SLC12A5: variants seen among roughly 807,000 people sequenced by gnomAD.
The protein encoded by SLC12A5 is K-Cl cotransporter 2.
SLC12A5 carries 18 observed loss-of-function variants against 124.0 expected under a neutral mutation model. The ratio of observed to expected loss-of-function variants is 0.15; its 90% CI spans 0.10 to 0.22. The LOEUF (loss-of-function observed/expected upper bound fraction) is 0.22. SLC12A5 is among the 10% of genes least tolerant of loss of function. The pLI, the probability that SLC12A5 is intolerant of heterozygous loss-of-function variation, is 1.00. For synonymous variants in SLC12A5, 589 were observed against 568.0 expected (o/e 1.04, Z -0.53); for missense variants, 867 against 1,478.7 (o/e 0.59, Z 6.78).
At position 46,057,425 on chromosome 20, in the gene SLC12A5, G is replaced by A. The variant is rs1480093147; in HGVS notation, c.3260-89G>A. The A allele has an allele frequency of 1.9e-6, 3 of 1,599,414 alleles. No individual in the cohort carries two copies. Among genetic ancestry groups the A allele is most frequent in the African/African-American group, 2.7e-5 (2 of 74,692 alleles). ...GGATCAGCACCTCGGACAGGGACAC[G>A]GGCGCGAGAGGTCCCCTGGCAGCCG... On this transcript the variant is annotated intron_variant, in intron 25 of 25. Coordinates refer to ENST00000243964, the MANE Select transcript of SLC12A5 (RefSeq NM_020708.5). This position sits in a 1 kb window ranked among gnomAD's most constrained non-coding sequence, Gnocchi z 7.1.
rs765343735 is a variant in SLC12A5, at chr20:46,040,460, G to A, written c.700G>A (p.Gly234Ser). The A allele has an allele frequency of 3.1e-6, 5 of 1,614,228 alleles. No individual in the cohort carries two copies. The highest frequency in any genetic ancestry group is 1.7e-5 in the Admixed American group (1 of 60,028). Residue 234 changes from glycine (G) to serine (S), a missense_variant, in exon 7 of 26, where the codon GGC becomes AGC. Physicochemically the swap from Gly to Ser is moderately conservative, Grantham distance 56. This residue lies in a region of SLC12A5 where 126 missense variants were observed against 291.6 expected (regional missense o/e 0.43). Transcript: ENST00000243964. ...AAMLNNMRVY[G>S]TCVLTCMATV... ...CATGCTGAACAACATGCGTGTTTAC[G>A]GCACCTGTGTGCTCACCTGCATGGC...
rs2084715629 is a variant in SLC12A5, at chr20:46,058,283, G to T, written c.*678G>T. ...CCTTGACGTCCAAGAGTTTGAGAGC[G>T]AAAGTGCTTTAGGCCCAGGCGGGGG... On this transcript the variant is annotated 3_prime_UTR_variant, in exon 26 of 26. Transcript: ENST00000243964. The surrounding 1 kb of genome is among the most constrained non-coding windows in gnomAD (Gnocchi z 5.8). The T allele has an allele frequency of 2.5e-6, 1 of 395,896 alleles. No homozygotes were observed. Among genetic ancestry groups the T allele is most frequent in the Non-Finnish European group, 4.5e-6 (1 of 224,562 alleles). 24.5% of individuals were successfully genotyped at this position (395,896 alleles called of 1,614,324 possible). A position where few individuals can be genotyped will look rare whatever the true frequency, so the allele number is the denominator to read the frequency against.
chr20:46,043,577 T>C, intron 9 of SLC12A5, 56 bp from the exon 10 acceptor site: 2 of 1,573,106 alleles, frequency 1.3e-6, no homozygotes, highest in African/African-American at 1.3e-5. Flanking sequence ...TTTTTTCTCA[T>C]CTGTCTGGTC....
intron 1 of SLC12A5, among the ~76,000 whole-genome samples, chr20:46,033,485 A>T (rs191955711): frequency 6.6e-6 from 1 of 152,228 alleles, no homozygotes; most frequent in East Asian, 1.9e-4. Context: ...GAGTGATCTC[A>T]TCTAGGCACA....
chr20:46,041,151 TG>T, intron 7 of SLC12A5, 177 bp from the exon 8 acceptor site: 1 of 531,604 alleles, frequency 1.9e-6, no homozygotes, highest in Non-Finnish European at 3.3e-6. Context: ...TAGAATCACT[TG>T]GGGAGCTTAA....
chr20:46,057,545 C>G lies in SLC12A5; in HGVS notation c.3291C>G (p.His1097Gln). Residue 1097 changes from histidine (H) to glutamine (Q), a missense_variant, in exon 26 of 26, where the codon CAC becomes CAG. By Grantham distance (24) the His-to-Gln change is conservative. Transcript: ENST00000243964. This position sits in a 1 kb window ranked among gnomAD's most constrained non-coding sequence, Gnocchi z 7.1. ...YMEFLEVLTE[H>Q]LDRVMLVRGG... is the part of the protein sequence containing the mutation. ...AGTTTCTCGAGGTCCTCACAGAGCA[C>G]CTGGACCGGGTGATGCTGGTCCGCG... The G allele has an allele frequency of 1.2e-6, 2 of 1,614,170 alleles. No homozygotes were observed. The highest frequency in any genetic ancestry group is 1.7e-6 in the Non-Finnish European group (2 of 1,180,034).
In SLC12A5 at chr20:46,059,817, T is replaced by G; in HGVS notation, c.*2212T>G. 2.5e-6 allele frequency: 1 copy of G among 395,578 alleles called. No homozygotes were observed. Among genetic ancestry groups the G allele is most frequent in the East Asian group, 3.6e-5 (1 of 27,854 alleles). 24.5% of individuals were successfully genotyped at this position (395,578 alleles called of 1,614,324 possible). ...TCAATAGCCTTGTAGTGATAACTAG[T>G]GTTGCTTTTGTTTTAGATGATCTAT... On this transcript the variant is annotated 3_prime_UTR_variant, in exon 26 of 26. Coordinates refer to ENST00000243964, the MANE Select transcript of SLC12A5 (RefSeq NM_020708.5).
intron 1 of SLC12A5, among the ~76,000 whole-genome samples, chr20:46,032,292 C>T (rs973297127): frequency 3.6e-4 from 55 of 152,354 alleles, no homozygotes; most frequent in African/African-American, 1.3e-3. Flanking sequence ...GCCACCCGCC[C>T]CCGCGAAGGA....
intron 16 of SLC12A5, among the ~76,000 whole-genome samples, chr20:46,048,877 A>AG (rs1295210682): frequency 1.3e-5 from 2 of 149,872 alleles, no homozygotes; most frequent in Non-Finnish European, 1.5e-5. Flanking sequence ...CAAAAAAAAA[A>AG]AGGGGGAAAT....
chr20:46,022,943 GGGAGGAGGA>G (rs34923327), exon 2 of SLC12A5: 264 of 365,690 alleles, frequency 7.2e-4, no homozygotes, highest in African/African-American at 5.6e-3. Flanking sequence ...CCCCAGCGAG[GGGAGGAGGA>G]GGAGGAGGAG....
At chr20:46,022,684 G>C (rs982542403) in intron 1 of SLC12A5, 6 of 397,516 alleles carry the variant, frequency 1.5e-5, no homozygotes, top group Admixed American at 4.4e-5. Context: ...GCTCCGTAAG[G>C]GTTGGGAGGA....
Position 46,057,785 on chromosome 20 carries a change from GCC to G in SLC12A5, c.*181_*182del. 1.8e-6 allele frequency: 1 copy of G among 567,216 alleles called. No homozygotes were observed. The allele number at this position is 567,216 out of a possible 1,614,324, so 35.1% of individuals were successfully genotyped here. A position where few individuals can be genotyped will look rare whatever the true frequency, so the allele number is the denominator to read the frequency against. On this transcript the variant is annotated 3_prime_UTR_variant, in exon 26 of 26. Coordinates refer to ENST00000243964, the MANE Select transcript of SLC12A5 (RefSeq NM_020708.5). The surrounding 1 kb of genome is among the most constrained non-coding windows in gnomAD (Gnocchi z 7.1). ...GGGGCTGATTCGGAGAGGGCGCCCC[GCC>G]GCGCAGAGACCAGAGCTCCTCAGTG...
Position 46,057,466 on chromosome 20 carries a change from T to C in SLC12A5, c.3260-48T>C. 1 of 1,609,890 alleles carries C rather than the reference T, an allele frequency of 6.2e-7. No homozygotes were observed. Among genetic ancestry groups the C allele is most frequent in the Non-Finnish European group, 8.5e-7 (1 of 1,176,344 alleles). On this transcript the variant is annotated intron_variant, in intron 25 of 25. Transcript: ENST00000243964. This position sits in a 1 kb window ranked among gnomAD's most constrained non-coding sequence, Gnocchi z 7.1. The stretch of plus-strand genomic sequence containing the variant: ...CTGGCAGCCGAGCGCGACCCCAATT[T>C]CGTCGGGAGGGAAGGAGACCGGGTC...
At chr20:46,029,042 T>G, upstream of SLC12A5, 1 of 1,029,090 alleles carries the variant, frequency 9.7e-7, no homozygotes, top group Non-Finnish European at 1.2e-6. Flanking sequence ...AGTCGGGCTC[T>G]GCCCGCCCCT....
intron 15 of SLC12A5, among the ~76,000 whole-genome samples, 200 bp from the exon 16 acceptor site, chr20:46,047,781 A>G (rs1246484273): frequency 6.6e-6 from 1 of 152,036 alleles, no homozygotes; most frequent in African/African-American, 2.4e-5. Context: ...ATGGACAGGA[A>G]TGGTGAGAGA....
chr20:46,025,098 T>C (rs543005951), upstream of SLC12A5, among the ~76,000 whole-genome samples: 7 of 152,174 alleles, frequency 4.6e-5, no homozygotes, highest in Non-Finnish European at 1.0e-4. Context: ...CTCTGGGCCT[T>C]AATATACCCA....
rs1033969114 is a variant in SLC12A5, at chr20:46,058,795, C to T, written c.*1190C>T. The T allele has an allele frequency of 4.5e-5, 18 of 398,190 alleles. No individual in the cohort carries two copies. Among genetic ancestry groups the T allele is most frequent in the Admixed American group, 1.8e-4 (4 of 22,748 alleles). 24.7% of individuals were successfully genotyped at this position (398,190 alleles called of 1,614,324 possible). A position where few individuals can be genotyped will look rare whatever the true frequency, so the allele number is the denominator to read the frequency against. On this transcript the variant is annotated 3_prime_UTR_variant, in exon 26 of 26. Transcript: ENST00000243964. The surrounding 1 kb of genome is among the most constrained non-coding windows in gnomAD (Gnocchi z 5.8). Reference sequence around the variant, plus strand: ...CGGACCCACTGAGAGGCCCCAGAGCCGCCCGTGATGTTCCTCCCCCGTCCC... The same window carrying T: ...CGGACCCACTGAGAGGCCCCAGAGCTGCCCGTGATGTTCCTCCCCCGTCCC...
At chr20:46,032,411 G>A (rs974169693) in intron 1 of SLC12A5, among the ~76,000 whole-genome samples, 1 of 152,372 alleles carries the variant, frequency 6.6e-6, no homozygotes. Context: ...CTCCATAGGA[G>A]ACAGGACCCC....
Position 46,045,975 on chromosome 20 carries a change from A to T in SLC12A5, c.1667A>T (p.Glu556Val). ...EIGILIASLDEVAPILSMFFL... is the reference protein window; with the variant it reads ...EIGILIASLDVVAPILSMFFL... ...GGCATCCTCATTGCATCCCTCGACG[A>T]GGTGGCCCCCATCCTCTCTATGTGC... The change falls in exon 13 of 26, where the codon GAG becomes GTG. Residue 556 changes from glutamate (E) to valine (V), a missense_variant. Physicochemically the swap from Glu to Val is moderately radical, Grantham distance 121. Coordinates refer to ENST00000243964, the MANE Select transcript of SLC12A5 (RefSeq NM_020708.5). This position sits in a 1 kb window ranked among gnomAD's most constrained non-coding sequence, Gnocchi z 4.9. 6.2e-7 allele frequency: 1 copy of T among 1,614,082 alleles called. No individual in the cohort carries two copies. The highest frequency in any genetic ancestry group is 1.7e-5 in the Admixed American group (1 of 60,006).
Sources: allele counts gnomAD v4.1 joint callset (sites outside exome capture counted in the v4.1 genomes callset), GRCh38; gene constraint gnomAD v4.1.1; regional missense constraint gnomAD v4.1.1; non-coding constraint Gnocchi (gnomAD v3.1); transcripts MANE v1.5; gene names NCBI Gene and HGNC (gene_info 2026-07-23, HGNC 2026-07-21).